Variants in GGH observed in about 807,000 individuals in gnomAD.
GGH encodes the protein gamma-glutamyl hydrolase, also known as gamma-Glu-X carboxypeptidase.
Under a neutral mutation model 39.2 loss-of-function variants are expected in GGH, and 18 were observed. The ratio of observed to expected loss-of-function variants is 0.46; its 90% CI spans 0.32 to 0.68. GGH has a LOEUF of 0.68. Ranked by LOEUF, GGH falls within the 30% of genes least tolerant of loss-of-function variation. The pLI, the probability that GGH is intolerant of heterozygous loss-of-function variation, is 0.04. For missense variants in GGH, 367 were observed against 384.1 expected (o/e 0.96, Z 0.37); for synonymous variants, 147 against 138.8 (o/e 1.06, Z -0.42).
chr8:63,027,141 A>G (rs1563668831), intron 4 of GGH, 40 bp downstream of exon 4: 1 of 956,156 alleles, frequency 1.0e-6, no homozygotes, highest in South Asian at 1.3e-5. Context: ...AAAAACTTAC[A>G]GAAACCCATC....
At chr8:63,031,633 TA>T (rs1804807770) in intron 2 of GGH, among the ~76,000 whole-genome samples, 1 of 152,224 alleles carries the variant, frequency 6.6e-6, no homozygotes, top group Non-Finnish European at 1.5e-5. Flanking sequence ...GTCATTTCAT[TA>T]ATTCTAAATA....
At chr8:63,035,337 G>T (rs568919337) in intron 2 of GGH, among the ~76,000 whole-genome samples, 1 of 152,082 alleles carries the variant, frequency 6.6e-6, no homozygotes, top group African/African-American at 2.4e-5. Context: ...ATGGAGTCTC[G>T]ATCTGTTGCC....
At position 63,027,240 on chromosome 8, in the gene GGH, C is replaced by G; in HGVS notation, c.301G>C (p.Asp101His). 6.3e-7 allele frequency: 1 copy of G among 1,597,240 alleles called. No individual in the cohort carries two copies. The highest frequency in any genetic ancestry group is 1.1e-5 in the South Asian group (1 of 90,690). ...NGILFPGGSV[D>H]LRRSDYAKVA... The stretch of plus-strand genomic sequence containing the variant: ...TTAGCATAATCTGAGCGTCTGAGGT[C>G]AACACTTCCTCCAGGGAAAAGGATT... Residue 101 changes from aspartate (D) to histidine (H), a missense_variant, in exon 4 of 9, where the codon GAC (aspartate) becomes CAC (histidine). By Grantham distance (81) the Asp-to-His change is moderately conservative. Coordinates refer to ENST00000260118, the MANE Select transcript of GGH (RefSeq NM_003878.3).
At chr8:63,017,724 A>T in intron 7 of GGH, 94 bp from the exon 8 acceptor site, 1 of 700,214 alleles carries the variant, frequency 1.4e-6, no homozygotes, top group Non-Finnish European at 2.4e-6. Context: ...ACATTTTATA[A>T]TTCACCTTAT....
At position 63,027,269 on chromosome 8, in the gene GGH, AAAC is replaced by A; in HGVS notation, c.276-7_276-5del. ...ACTTCCTCCAGGGAAAAGGATTCTGAAACAACGTTACATAAATCAAATAGGGTG... is the reference window on the plus strand; with the variant it reads ...ACTTCCTCCAGGGAAAAGGATTCTGAAACGTTACATAAATCAAATAGGGTG... On this transcript the variant is annotated splice_region_variant and splice_polypyrimidine_tract_variant and intron_variant, in intron 3 of 8. Coordinates refer to ENST00000260118, the MANE Select transcript of GGH (RefSeq NM_003878.3). The A allele has an allele frequency of 1.3e-6, 2 of 1,559,326 alleles. No individual in the cohort carries two copies. The highest frequency in any genetic ancestry group is 1.8e-6 in the Non-Finnish European group (2 of 1,130,354).
chr8:63,038,509 G>A, intron 1 of GGH, 151 bp downstream of exon 1: 1 of 448,926 alleles, frequency 2.2e-6, no homozygotes, highest in Non-Finnish European at 4.0e-6. Flanking sequence ...CCTAAATGGT[G>A]CCCAGCCCGG....
rs1426749432 is a variant in GGH at position 63,017,567 on chromosome 8, T to C, written c.761A>G (p.Asn254Ser). The C allele has an allele frequency of 6.2e-7, 1 of 1,608,184 alleles. No individual in the cohort carries two copies. The highest frequency in any genetic ancestry group is 1.3e-5 in the African/African-American group (1 of 74,806). ...HPEKAPYEWK[N>S]LDGISHAPNA... ...AGGTGCATGGGAAATGCCATCCAAATTCTTCCACTCATAAGGTGCTTTCTC... is the reference window on the plus strand; with the variant it reads ...AGGTGCATGGGAAATGCCATCCAAACTCTTCCACTCATAAGGTGCTTTCTC... Residue 254 changes from asparagine to serine, a missense_variant, in exon 8 of 9, where the codon AAT becomes AGT. By Grantham distance (46) the Asn-to-Ser change is conservative. Transcript: ENST00000260118.
In GGH at chr8:63,038,583, G is replaced by A. The variant is rs571549892; in HGVS notation, c.109+77C>T. On this transcript the variant is annotated intron_variant, in intron 1 of 8. Transcript: ENST00000260118. ...TTTTCCCGGCGGGACGCGCCAGCTG[G>A]AGCGCGGCGGCGGGAGGCGCCCAGC... 1.7e-5 allele frequency: 12 copies of A among 718,300 alleles called. No homozygotes were observed. The East Asian group carries it at 3.3e-4, about 20-fold the overall frequency. 44.5% of individuals were successfully genotyped at this position (718,300 alleles called of 1,614,324 possible). A position where few individuals can be genotyped will look rare whatever the true frequency, so the allele number is the denominator to read the frequency against.
rs1804492578 is a variant in GGH, at chr8:63,016,657, GA to G, written c.835+835del. Among the ~76,000 whole-genome samples, 4 of 152,286 alleles carry G rather than the reference GA, an allele frequency of 2.6e-5. No homozygotes were observed. In the South Asian group the frequency reaches 8.3e-4, roughly 32 times the overall value. ...AATTTTTTTCTAACAATGTTATAAT[GA>G]AACGACTTCAAAGTAAACAGTGTTG... is the stretch of plus-strand genomic sequence containing the variant. On this transcript the variant is annotated intron_variant, in intron 8 of 8. Coordinates refer to ENST00000260118, the MANE Select transcript of GGH (RefSeq NM_003878.3).
chr8:63,030,331 A>T lies in GGH; in HGVS notation c.225-114T>A. ...ATAAAAACAAATTTTTAATTACTAG[A>T]CAATATTACCTCTCTACTTTTCTAG... On this transcript the variant is annotated intron_variant, in intron 2 of 8. Transcript: ENST00000260118. 8.2e-6 allele frequency: 5 copies of T among 613,096 alleles called. No individual in the cohort carries two copies. The South Asian group carries it at 1.1e-4, about 13-fold the overall frequency. 38.0% of individuals were successfully genotyped at this position (613,096 alleles called of 1,614,324 possible). A position where few individuals can be genotyped will look rare whatever the true frequency, so the allele number is the denominator to read the frequency against.
chr8:63,033,239 T>A (rs1349496704), intron 2 of GGH, among the ~76,000 whole-genome samples: 1 of 152,246 alleles, frequency 6.6e-6, no homozygotes, highest in Non-Finnish European at 1.5e-5. Flanking sequence ...TGACACATCA[T>A]AATTGCCCAA....
chr8:63,037,398 A>T (rs886683365), intron 1 of GGH, among the ~76,000 whole-genome samples: 1 of 152,094 alleles, frequency 6.6e-6, no homozygotes, highest in African/African-American at 2.4e-5. Context: ...AGTGAGTTCC[A>T]CCAACATCTC....
At chr8:63,028,898 A>G (rs972532558) in intron 3 of GGH, among the ~76,000 whole-genome samples, 1 of 152,194 alleles carries the variant, frequency 6.6e-6, no homozygotes, top group African/African-American at 2.4e-5. Flanking sequence ...CAAAAGGTCT[A>G]TTTTTGAGGT....
chr8:63,023,581 T>C (rs2129649546), intron 7 of GGH: 1 of 171,296 alleles, frequency 5.8e-6, no homozygotes, highest in Admixed American at 6.3e-5. Context: ...ATCACCCACA[T>C]TTATTTTGTT....
At chr8:63,024,041 T>C in intron 6 of GGH, 39 bp downstream of exon 6, 1 of 1,543,716 alleles carries the variant, frequency 6.5e-7, no homozygotes, top group South Asian at 1.1e-5. Context: ...CTGCAGTTAT[T>C]CTAAACATAT....
rs564636168 is a variant in GGH at position 63,021,418 on chromosome 8, T to C, written c.697+2489A>G. On this transcript the variant is annotated intron_variant, in intron 7 of 8. Coordinates refer to ENST00000260118, the MANE Select transcript of GGH (RefSeq NM_003878.3). ...GGTAACAAAACTGGAAAATGTTTGA[T>C]TTTACTAAGAAATGCCAAAATGTTT... 1.6e-4 allele frequency among the ~76,000 whole-genome samples: 25 copies of C among 152,330 alleles called. No homozygotes were observed. The South Asian group carries it at 5.2e-3, about 32-fold the overall frequency.
intron 8 of GGH, among the ~76,000 whole-genome samples, 188 bp from the exon 9 acceptor site, chr8:63,015,641 CA>C (rs372991597): frequency 1.4e-3 from 178 of 127,022 alleles, no homozygotes; most frequent in Non-Finnish European, 1.6e-3. Flanking sequence ...ACTTACTTTC[CA>C]AAAAAAAAAA....
intron 1 of GGH, among the ~76,000 whole-genome samples, chr8:63,037,531 T>G (rs1365923567): frequency 6.6e-6 from 1 of 152,178 alleles, no homozygotes; most frequent in Non-Finnish European, 1.5e-5. Context: ...TCTCACAACT[T>G]TTGTGGCTTG....
intron 7 of GGH, chr8:63,023,622 T>A: frequency 4.8e-6 from 1 of 207,408 alleles, no homozygotes; most frequent in Non-Finnish European, 9.5e-6. Flanking sequence ...TCAAGGTATT[T>A]AATCTGCAAT....
Sources: gnomAD v4.1 joint callset for allele counts (sites outside exome capture counted in the v4.1 genomes callset) on GRCh38, gnomAD v4.1.1 for gene constraint, MANE v1.5 for transcripts, NCBI Gene and HGNC (gene_info 2026-07-23, HGNC 2026-07-21) for gene names.